Variants in WWOX observed in about 807,000 individuals in gnomAD.
WWOX encodes the protein WW domain-containing oxidoreductase.
In WWOX, 69 loss-of-function variants were observed where a neutral mutation model predicts 46.2. The ratio of observed to expected loss-of-function variants is 1.49; its 90% CI spans 1.23 to 1.82. The LOEUF is 1.82. Ranked by LOEUF, WWOX falls within the 40% of genes most tolerant of loss-of-function variation. The probability of loss-of-function intolerance (pLI) is 0.00; values close to 1 mark genes in which losing one functional copy is unlikely to be tolerated. For synonymous variants in WWOX, 359 were observed against 202.6 expected (o/e 1.77, Z -6.56); for missense variants, 919 against 542.6 (o/e 1.69, Z -6.89).
chr16:78,645,952 G>A (rs569842135), intron 8 of WWOX, among the ~76,000 whole-genome samples: 58 of 152,188 alleles, frequency 3.8e-4, no homozygotes, highest in Non-Finnish European at 7.1e-4. Flanking sequence ...GCAGTGCAGC[G>A]TCTTCAATTC....
At chr16:78,575,076 T>A (rs1317572243) in intron 8 of WWOX, among the ~76,000 whole-genome samples, 27 of 31,208 alleles carry the variant, frequency 8.7e-4, no homozygotes, top group South Asian at 1.4e-3. Flanking sequence ...TATATATATA[T>A]ATATATATAT....
At chr16:78,273,086 A>G (rs1317255111) in intron 5 of WWOX, among the ~76,000 whole-genome samples, 1 of 152,106 alleles carries the variant, frequency 6.6e-6, no homozygotes, top group Non-Finnish European at 1.5e-5. Flanking sequence ...AATTCTGGGC[A>G]TTATATCTTT....
intron 5 of WWOX, among the ~76,000 whole-genome samples, chr16:78,368,204 C>T (rs543205989): frequency 4.3e-4 from 65 of 152,276 alleles, no homozygotes; most frequent in Admixed American, 7.2e-4. Context: ...CTTCTGTGAA[C>T]AGAGGTTATG....
At chr16:78,763,812 A>G (rs1014258701) in intron 8 of WWOX, among the ~76,000 whole-genome samples, 9 of 152,210 alleles carry the variant, frequency 5.9e-5, no homozygotes, top group Non-Finnish European at 1.3e-4. Context: ...GCCGAAGCAT[A>G]ATTGTCAGCA....
Position 78,590,420 on chromosome 16 carries a change from C to T in WWOX, c.1056+157668C>T, listed in dbSNP as rs142890078. On this transcript the variant is annotated intron_variant, in intron 8 of 8. Transcript: ENST00000566780. ...ATGGTGGCAATGGTCAAGAAGGGTG[C>T]GGGAAGAACCCTTCAACTCTAATAT... 1.7e-3 allele frequency among the ~76,000 whole-genome samples: 266 copies of T among 152,206 alleles called. 2 individuals carry two copies. The highest frequency in any genetic ancestry group is 6.0e-3 in the African/African-American group (250 of 41,544).
At chr16:78,543,730 C>G (rs1297333344) in intron 8 of WWOX, among the ~76,000 whole-genome samples, 1 of 152,100 alleles carries the variant, frequency 6.6e-6, no homozygotes, top group East Asian at 1.9e-4. Flanking sequence ...GAGGGAACAT[C>G]CATCCTCAAA....
chr16:78,406,357 TTA>T (rs1378873068), intron 6 of WWOX, among the ~76,000 whole-genome samples: 4 of 118,378 alleles, frequency 3.4e-5, no homozygotes, highest in African/African-American at 1.1e-4. Context: ...TATATATATT[TTA>T]TTATTTTTTT....
rs893871324 is a variant in WWOX at position 78,709,966 on chromosome 16, G to A, written c.1056+277214G>A. On this transcript the variant is annotated intron_variant, in intron 8 of 8. Coordinates refer to ENST00000566780, the MANE Select transcript of WWOX (RefSeq NM_016373.4). ...GGATGGTCTTGAACCCCTGATCTCA[G>A]GTGTTCCACCCTCCTTGTCCTCCCA... Among the ~76,000 whole-genome samples the A allele has an allele frequency of 2.0e-5, 3 of 152,150 alleles. No individual in the cohort carries two copies. The East Asian group carries it at 5.8e-4, about 30-fold the overall frequency.
intron 8 of WWOX, among the ~76,000 whole-genome samples, chr16:79,120,630 G>A (rs2049610234): frequency 6.6e-6 from 1 of 152,192 alleles, no homozygotes; most frequent in Admixed American, 6.5e-5. Flanking sequence ...GACACTAGAG[G>A]AGACTTTGTT....
chr16:78,555,479 C>G (rs547122560), intron 8 of WWOX, among the ~76,000 whole-genome samples: 1 of 151,938 alleles, frequency 6.6e-6, no homozygotes, highest in Non-Finnish European at 1.5e-5. Context: ...GTGTATTCTT[C>G]TGACTAATGG....
chr16:78,564,030 G>T (rs1350530896), intron 8 of WWOX, among the ~76,000 whole-genome samples: 1 of 152,160 alleles, frequency 6.6e-6, no homozygotes, highest in Non-Finnish European at 1.5e-5. Context: ...ACAAGCCCAG[G>T]CTAGCCTTCT....
chr16:79,030,240 T>C (rs79855182), intron 8 of WWOX, among the ~76,000 whole-genome samples: 2,607 of 152,338 alleles, frequency 0.017, 86 homozygotes, highest in African/African-American at 0.06. Flanking sequence ...AGGAAAACTT[T>C]TATGATTCTA....
intron 8 of WWOX, among the ~76,000 whole-genome samples, chr16:78,607,792 C>G (rs187851546): frequency 1.3e-5 from 2 of 151,966 alleles, no homozygotes; most frequent in East Asian, 1.9e-4. Flanking sequence ...TTTGTCATTT[C>G]TCTTTGGAGC....
chr16:78,424,695 A>G (rs991497640), intron 6 of WWOX, among the ~76,000 whole-genome samples, 175 bp from the exon 7 acceptor site: 6 of 152,270 alleles, frequency 3.9e-5, no homozygotes, highest in Middle Eastern at 6.8e-3. Context: ...AGGGTATCCT[A>G]TTTCTACATG....
At chr16:78,505,229 G>T (rs573292059) in intron 8 of WWOX, among the ~76,000 whole-genome samples, 1 of 152,294 alleles carries the variant, frequency 6.6e-6, no homozygotes, top group East Asian at 1.9e-4. Context: ...TCAGCCTCTA[G>T]AATGCCTGGA....
At chr16:78,126,248 A>C (rs1346463800) in intron 4 of WWOX, among the ~76,000 whole-genome samples, 1 of 152,100 alleles carries the variant, frequency 6.6e-6, no homozygotes, top group Non-Finnish European at 1.5e-5. Context: ...TGACTCTTCT[A>C]TAGTTTTATT....
chr16:78,658,879 G>T (rs1274106601), intron 8 of WWOX, among the ~76,000 whole-genome samples: 16 of 150,356 alleles, frequency 1.1e-4, no homozygotes, highest in Admixed American at 8.7e-4. Flanking sequence ...ATCACTTGAG[G>T]TCAGGAGTTT....
intron 1 of WWOX, among the ~76,000 whole-genome samples, chr16:78,101,346 C>CTTTTTTTTTTTTTTTTTTTTTTTTTTT (rs71137871): frequency 1.5e-5 from 1 of 66,848 alleles, no homozygotes; most frequent in African/African-American, 4.5e-5. Flanking sequence ...CGCTCCCGGC[C>CTTTTTTTTTTTTTTTTTTTTTTTTTTT]TTTTTTTTTT....
At chr16:79,209,032 C>T (rs564301287) in intron 8 of WWOX, among the ~76,000 whole-genome samples, 1 of 152,104 alleles carries the variant, frequency 6.6e-6, no homozygotes, top group Non-Finnish European at 1.5e-5. Flanking sequence ...TTCGGGTGCC[C>T]CTCCTGTGTA....
Sources: gnomAD v4.1 joint callset for allele counts (sites outside exome capture counted in the v4.1 genomes callset) on GRCh38, gnomAD v4.1.1 for gene constraint, MANE v1.5 for transcripts, NCBI Gene and HGNC (gene_info 2026-07-23, HGNC 2026-07-21) for gene names.